The following ERAP1 variants were observed in gnomAD, a reference collection of about 807,000 sequenced individuals.
ERAP1 encodes the protein adipocyte-derived leucine aminopeptidase.
ERAP1 carries 86 observed loss-of-function variants against 103.7 expected under a neutral mutation model. That is an observed-to-expected ratio of 0.83 (90% CI 0.70 to 0.99). The LOEUF is 0.99. Among genes scored for constraint, ERAP1 ranks in the 50% least tolerant of loss-of-function variants. The pLI, the probability that ERAP1 is intolerant of heterozygous loss-of-function variation, is 0.00. For missense variants in ERAP1, 1,009 were observed against 1,128.4 expected (o/e 0.89, Z 1.52); for synonymous variants, 398 against 402.4 (o/e 0.99, Z 0.13).
the ERAP1 span, among the ~76,000 whole-genome samples, chr5:96,868,770 G>A: frequency 6.6e-6 from 1 of 152,154 alleles, no homozygotes; most frequent in Admixed American, 6.5e-5. Context: ...TCAGTATGCT[G>A]CTGATGCTGT....
chr5:96,881,158 C>T, the ERAP1 span: 1 of 319,692 alleles, frequency 3.1e-6, no homozygotes, highest in Non-Finnish European at 6.1e-6. Context: ...GACTTTAACT[C>T]AGATGAAATG....
the ERAP1 span, among the ~76,000 whole-genome samples, chr5:96,828,202 A>G: frequency 0.12 from 17,500 of 152,140 alleles, 1,292 homozygotes; most frequent in Middle Eastern, 0.24. Flanking sequence ...CTGATTTTCT[A>G]TTTATTACAG....
At chr5:96,770,312 A>C (rs1302662375), downstream of ERAP1, 7 of 513,570 alleles carry the variant, frequency 1.4e-5, no homozygotes, top group East Asian at 2.3e-4. Context: ...CATCAATGTC[A>C]CCCACATTTC....
chr5:96,909,253 G>C, the ERAP1 span: 2 of 780,316 alleles, frequency 2.6e-6, no homozygotes, highest in East Asian at 2.7e-5. Context: ...GCATGTAATG[G>C]TCAATGACCC....
chr5:96,836,135 A>G, the ERAP1 span, among the ~76,000 whole-genome samples: 7 of 151,840 alleles, frequency 4.6e-5, no homozygotes, highest in African/African-American at 1.7e-4. Context: ...AATGACCGGA[A>G]AACAAATCCT....
At chr5:96,895,901 C>T in the ERAP1 span, among the ~76,000 whole-genome samples, 19 of 152,104 alleles carry the variant, frequency 1.2e-4, no homozygotes, top group African/African-American at 2.4e-4. Flanking sequence ...TATATTTAGT[C>T]CAGTACACTA....
At chr5:96,873,115 G>A in the ERAP1 span, among the ~76,000 whole-genome samples, 3 of 152,098 alleles carry the variant, frequency 2.0e-5, no homozygotes, top group East Asian at 5.8e-4. Context: ...CTTGAACCCA[G>A]GAGGCGGAGG....
the ERAP1 span, among the ~76,000 whole-genome samples, chr5:96,867,464 CA>C: frequency 6.6e-6 from 1 of 152,160 alleles, no homozygotes; most frequent in Non-Finnish European, 1.5e-5. Flanking sequence ...TTCTCTGCTT[CA>C]AAATGTTGGA....
At position 96,776,433 on chromosome 5, in the gene ERAP1, C is replaced by G. The variant is rs768831153; in HGVS notation, c.2789G>C (p.Arg930Thr). The G allele has an allele frequency of 6.2e-7, 1 of 1,613,652 alleles. No homozygotes were observed. Among genetic ancestry groups the G allele is most frequent in the African/African-American group, 1.3e-5 (1 of 74,936 alleles). ...GWMDKNFDKI[R>T]VWLQSEKLER... ...AAGCTTTTCACTTTGCAGCCACACT[C>G]TGATTTTATCAAAATTCTTATCCAT... Residue 930 changes from arginine (R) to threonine (T), a missense_variant, in exon 19 of 19, where the codon AGA becomes ACA. Coordinates refer to ENST00000443439, the MANE Select transcript of ERAP1 (RefSeq NM_001040458.3).
intron 2 of ERAP1, among the ~76,000 whole-genome samples, chr5:96,801,846 C>G (rs1160263142): frequency 1.8e-5 from 2 of 112,050 alleles, no homozygotes; most frequent in Non-Finnish European, 3.5e-5. Flanking sequence ...AGCAAGACTC[C>G]GTCTCGACAA....
intron 17 of ERAP1, 77 bp from the exon 18 acceptor site, chr5:96,780,581 T>C (rs1193892282): frequency 8.8e-7 from 1 of 1,140,012 alleles, no homozygotes. Flanking sequence ...CTCCTATATA[T>C]AATAGCTTTC....
Position 96,790,301 on chromosome 5 carries a change from A to G in ERAP1, c.1519T>C (p.Ser507Pro), listed in dbSNP as rs763011004. The part of the protein sequence containing the change: ...FCSRSQHSSS[S>P]SHWHQEGVDV... ...GTACAGATATAGAAACTTACTGAGG[A>G]TGAAGATGAATGTTGACTTCTAGAG... is the stretch of plus-strand genomic sequence containing the variant. Residue 507 changes from serine (S) to proline (P), a missense_variant, in exon 10 of 19, where the codon TCC becomes CCC. This residue lies in a region of ERAP1 where 611 missense variants were observed against 651.7 expected (regional missense o/e 0.94). Transcript: ENST00000443439. 1 of 1,614,014 alleles carries G rather than the reference A, an allele frequency of 6.2e-7. No individual in the cohort carries two copies. The highest frequency in any genetic ancestry group is 8.5e-7 in the Non-Finnish European group (1 of 1,179,898).
chr5:96,776,314 A>G lies in ERAP1; in HGVS notation c.*82T>C. 6.4e-7 allele frequency: 1 copy of G among 1,553,080 alleles called. No homozygotes were observed. On this transcript the variant is annotated 3_prime_UTR_variant, in exon 19 of 19. Transcript: ENST00000443439. ...AAAAAAGTATCTCCAGTTGGAGCCA[A>G]AACAGCCATCTCTAGTTTGAAAATA... is the stretch of plus-strand genomic sequence containing the variant.
At chr5:96,934,988 C>T in the ERAP1 span, 1 of 152,246 alleles carries the variant, frequency 6.6e-6, no homozygotes, top group South Asian at 2.1e-4. Context: ...TTATGGGGCC[C>T]CTGGCGGTTC....
the ERAP1 span, among the ~76,000 whole-genome samples, chr5:96,893,039 T>C: frequency 7.9e-5 from 12 of 152,158 alleles, no homozygotes; most frequent in Non-Finnish European, 1.8e-4. Flanking sequence ...GCGGATCACA[T>C]AGTAAGCACT....
chr5:96,800,190 T>C (rs1018915119), intron 3 of ERAP1, among the ~76,000 whole-genome samples: 2 of 152,220 alleles, frequency 1.3e-5, no homozygotes, highest in Admixed American at 6.5e-5. Flanking sequence ...ACTACCAGAA[T>C]CAAAGGATGA....
At chr5:96,895,457 T>C in the ERAP1 span, 1 of 881,522 alleles carries the variant, frequency 1.1e-6, no homozygotes, top group Admixed American at 2.4e-5. Context: ...AACTACATAA[T>C]GTTGTGGTTT....
At chr5:96,885,748 G>C in the ERAP1 span, among the ~76,000 whole-genome samples, 4 of 152,170 alleles carry the variant, frequency 2.6e-5, no homozygotes, top group Non-Finnish European at 5.9e-5. Flanking sequence ...TGAAGAAAAT[G>C]TTTTCAGATT....
At chr5:96,889,136 A>T in the ERAP1 span, 3 of 1,608,734 alleles carry the variant, frequency 1.9e-6, no homozygotes, top group Non-Finnish European at 2.6e-6. Flanking sequence ...GAATGGAATT[A>T]TGCCAGGGAG....
Sources: allele counts gnomAD v4.1 joint callset (sites outside exome capture counted in the v4.1 genomes callset), GRCh38; gene constraint gnomAD v4.1.1; regional missense constraint gnomAD v4.1.1; transcripts MANE v1.5; gene names NCBI Gene and HGNC (gene_info 2026-07-23, HGNC 2026-07-21).